The following LARP4B variants were observed in gnomAD, a reference collection of about 807,000 sequenced individuals.
LARP4B encodes la-related protein 4B.
A neutral mutation model predicts 89.8 loss-of-function variants in LARP4B; 12 were observed. That is an observed-to-expected ratio of 0.13 (90% CI 0.09 to 0.22). The LOEUF (loss-of-function observed/expected upper bound fraction) is 0.22. Ranked by LOEUF, LARP4B falls within the 10% of genes least tolerant of loss-of-function variation. LARP4B has a pLI of 1.00. For synonymous variants in LARP4B, 367 were observed against 363.3 expected (o/e 1.01, Z -0.12); for missense variants, 757 against 947.7 (o/e 0.80, Z 2.64).
In LARP4B at chr10:825,657, T is replaced by G. The variant is rs1035389971; in HGVS notation, c.1232+107A>C. The G allele has an allele frequency of 8.4e-6, 6 of 714,670 alleles. No homozygotes were observed. In the South Asian group the frequency reaches 9.0e-5, roughly 11 times the overall value. 44.3% of individuals were successfully genotyped at this position (714,670 alleles called of 1,614,324 possible). A position where few individuals can be genotyped will look rare whatever the true frequency, so the allele number is the denominator to read the frequency against. On this transcript the variant is annotated intron_variant, in intron 12 of 17. Transcript: ENST00000316157. ...ACAGAATGCAGCTGTGTGCTTCAGG[T>G]GGCTCTGTCTGCGAGGAGCAGGACT... is the stretch of plus-strand genomic sequence containing the variant.
chr10:922,340 C>T lies in LARP4B; in HGVS notation c.-40+9088G>A, dbSNP rs532086800. ...CTACCAGGCCATGATGGGTACGGGT[C>T]GGACAACCTGGGAGTTAGGGACCCC... On this transcript the variant is annotated intron_variant, in intron 1 of 17. Transcript: ENST00000316157. 3.9e-5 allele frequency among the ~76,000 whole-genome samples: 6 copies of T among 152,272 alleles called. No homozygotes were observed. The South Asian group carries it at 1.2e-3, about 32-fold the overall frequency.
Position 907,533 on chromosome 10 carries a change from A to G in LARP4B, c.-39-21773T>C, listed in dbSNP as rs188823332. On this transcript the variant is annotated intron_variant, in intron 1 of 17. Transcript: ENST00000316157. ...GGAGTTAAATACAAAGTGATGACTA[A>G]AAATTTTTATTGTATTATCAAAACA... is the stretch of plus-strand genomic sequence containing the variant. Among the ~76,000 whole-genome samples, 388 of 152,360 alleles carry G rather than the reference A, an allele frequency of 2.5e-3. 4 individuals carry two copies. Among genetic ancestry groups the G allele is most frequent in the African/African-American group, 8.7e-3 (362 of 41,588 alleles).
the LARP4B span, among the ~76,000 whole-genome samples, chr10:967,285 C>T: frequency 6.6e-6 from 1 of 152,158 alleles, no homozygotes; most frequent in Admixed American, 6.6e-5. Context: ...CTAGAATTTA[C>T]ATCCTTAGAG....
chr10:928,881 AT>A (rs35485697), intron 1 of LARP4B, among the ~76,000 whole-genome samples: 24,422 of 152,130 alleles, frequency 0.16, 2,406 homozygotes, highest in Non-Finnish European at 0.23. Flanking sequence ...GCCTGCACGT[AT>A]TTTAGAACTA....
chr10:978,397 G>T, the LARP4B span, among the ~76,000 whole-genome samples: 34 of 152,130 alleles, frequency 2.2e-4, 1 homozygote, highest in African/African-American at 8.0e-4. Context: ...AACATTTATT[G>T]TACTTATTAA....
intron 9 of LARP4B, among the ~76,000 whole-genome samples, 196 bp downstream of exon 9, chr10:830,671 C>T (rs1167115294): frequency 6.6e-6 from 1 of 152,192 alleles, no homozygotes; most frequent in Admixed American, 6.5e-5. Context: ...AAATCACATG[C>T]TTTTTATATT....
At chr10:908,920 C>T (rs1170606450) in intron 1 of LARP4B, among the ~76,000 whole-genome samples, 1 of 152,162 alleles carries the variant, frequency 6.6e-6, no homozygotes, top group Non-Finnish European at 1.5e-5. Flanking sequence ...CTTTGGGGGA[C>T]ACCTGAAACA....
chr10:847,979 T>C (rs569406425), intron 5 of LARP4B, among the ~76,000 whole-genome samples: 6 of 152,106 alleles, frequency 3.9e-5, no homozygotes, highest in Non-Finnish European at 7.4e-5. Context: ...GGGAGGCTGA[T>C]TGCATAGGCC....
intron 1 of LARP4B, among the ~76,000 whole-genome samples, chr10:930,450 G>C (rs142973934): frequency 1.4e-4 from 22 of 152,338 alleles, no homozygotes; most frequent in African/African-American, 4.8e-4. Flanking sequence ...ACGAAAGCCA[G>C]ATAGGAGGTA....
chr10:945,689 G>GAAA, the LARP4B span, among the ~76,000 whole-genome samples: 87 of 142,596 alleles, frequency 6.1e-4, no homozygotes, highest in African/African-American at 1.0e-3. Flanking sequence ...CTCCGTCTCA[G>GAAA]AAAAAAAAAA....
At chr10:907,016 G>A (rs1836510499) in intron 1 of LARP4B, among the ~76,000 whole-genome samples, 1 of 152,198 alleles carries the variant, frequency 6.6e-6, no homozygotes, top group African/African-American at 2.4e-5. Context: ...AGGATAAAGT[G>A]AAAAGAACCA....
In LARP4B at chr10:863,858, G is replaced by T. The variant is rs1834755543; in HGVS notation, c.315C>A (p.Asp105Glu). The T allele has an allele frequency of 6.2e-7, 1 of 1,613,612 alleles. No homozygotes were observed. The highest frequency in any genetic ancestry group is 1.3e-5 in the African/African-American group (1 of 74,852). Residue 105 changes from aspartate to glutamate, a missense_variant, in exon 5 of 18, where the codon GAC (aspartate) becomes GAA (glutamate). Transcript: ENST00000316157. ...GCAATGCGGCATTCTCATGGCCCTG[G>T]TCACCATCACCATTGGCATCCGATC... ...PQGSDANGDG[D>E]QGHENAALPD... is the part of the protein sequence containing the mutation.
chr10:864,008 G>A, intron 4 of LARP4B, 115 bp downstream of exon 4: 2 of 1,551,796 alleles, frequency 1.3e-6, no homozygotes, highest in Non-Finnish European at 1.8e-6. Context: ...CTCAAGCACT[G>A]CCACATACCA....
intron 3 of LARP4B, among the ~76,000 whole-genome samples, 189 bp from the exon 4 acceptor site, chr10:864,459 T>C (rs1202633786): frequency 3.3e-5 from 5 of 150,754 alleles, no homozygotes. Context: ...TTCCATTAAA[T>C]TCCCCCCAAG....
chr10:851,059 A>C (rs763027568), intron 5 of LARP4B, among the ~76,000 whole-genome samples: 30 of 152,188 alleles, frequency 2.0e-4, no homozygotes, highest in Non-Finnish European at 3.8e-4. Context: ...CTTAGGACAC[A>C]GAAGAAAGGG....
intron 1 of LARP4B, among the ~76,000 whole-genome samples, chr10:918,117 A>G (rs1486727149): frequency 1.3e-5 from 2 of 152,214 alleles, no homozygotes; most frequent in African/African-American, 4.8e-5. Flanking sequence ...CAAAGACTAC[A>G]GAAGATTTAA....
intron 10 of LARP4B, 31 bp downstream of exon 10, chr10:829,650 T>C (rs1361296092): frequency 3.1e-6 from 5 of 1,610,636 alleles, no homozygotes; most frequent in Non-Finnish European, 4.2e-6. Flanking sequence ...AATTTGCAAA[T>C]AAACAAAGTA....
the LARP4B span, chr10:987,219 T>C: frequency 2.0e-5 from 3 of 152,164 alleles, no homozygotes; most frequent in Non-Finnish European, 2.9e-5. Context: ...CCTTTAGAAG[T>C]GCCACAAAGA....
chr10:985,907 T>C, the LARP4B span: 4 of 152,236 alleles, frequency 2.6e-5, no homozygotes, highest in African/African-American at 7.2e-5. Context: ...CACGAAGAGC[T>C]GGCTACTTCT....
Sources: gnomAD v4.1 joint callset for allele counts (sites outside exome capture counted in the v4.1 genomes callset) on GRCh38, gnomAD v4.1.1 for gene constraint, MANE v1.5 for transcripts, NCBI Gene and HGNC (gene_info 2026-07-23, HGNC 2026-07-21) for gene names.